Variants in LAMB3 observed in about 807,000 individuals in gnomAD.
LAMB3 encodes laminin subunit beta-3.
Under a neutral mutation model 140.3 loss-of-function variants are expected in LAMB3, and 104 were observed. The ratio of observed to expected loss-of-function variants is 0.74; its 90% CI spans 0.63 to 0.87. The LOEUF is 0.87. Ranked by LOEUF, LAMB3 falls within the 40% of genes least tolerant of loss-of-function variation. The probability of loss-of-function intolerance (pLI) is 0.00; values close to 1 mark genes in which losing one functional copy is unlikely to be tolerated. For synonymous variants in LAMB3, 592 were observed against 602.9 expected (o/e 0.98, Z 0.26); for missense variants, 1,531 against 1,575.2 (o/e 0.97, Z 0.47).
rs1461717227 is a variant in LAMB3, at chr1:209,634,547, G to C, written c.464C>G (p.Ser155Cys). ...ACCCTGGCGGACCCGAGGGAAGGTG[G>C]AGGTGCAGTCGGCAGCCAGGTACTG... ...VYQYLAADCT[S>C]TFPRVRQGRP... is the part of the protein sequence containing the mutation. The change falls in exon 6 of 23, where the codon TCC (serine) becomes TGC (cysteine). Residue 155 changes from serine to cysteine, a missense_variant. By Grantham distance (112) the Ser-to-Cys change is moderately radical. Transcript: ENST00000356082. 6.2e-7 allele frequency: 1 copy of C among 1,614,024 alleles called. No individual in the cohort carries two copies. Among genetic ancestry groups the C allele is most frequent in the Non-Finnish European group, 8.5e-7 (1 of 1,180,036 alleles).
At chr1:209,645,866 T>A (rs941395976) in intron 3 of LAMB3, among the ~76,000 whole-genome samples, 13 of 152,064 alleles carry the variant, frequency 8.5e-5, no homozygotes, top group African/African-American at 3.1e-4. Context: ...CAGACAACTG[T>A]CAAACAAAGA....
chr1:209,617,720 C>A, intron 20 of LAMB3, 134 bp from the exon 21 acceptor site: 1 of 1,245,370 alleles, frequency 8.0e-7, no homozygotes, highest in East Asian at 2.5e-5. Flanking sequence ...CCACCTCTCA[C>A]CCCTCCTTCT....
chr1:209,650,492 C>T (rs1022853226), intron 2 of LAMB3, among the ~76,000 whole-genome samples: 1 of 152,224 alleles, frequency 6.6e-6, no homozygotes, highest in Non-Finnish European at 1.5e-5. Flanking sequence ...GACTGCTGAG[C>T]CATTGGCAGA....
chr1:209,632,734 A>G lies in LAMB3; in HGVS notation c.671T>C (p.Leu224Pro), dbSNP rs138986366. The stretch of plus-strand genomic sequence containing the variant: ...GTAGCCCCTTTGGGGCACAGGGGCC[A>G]GCCTGGTGAAATTGACTCTCAAGTT... ...ITNLRVNFTRLAPVPQRGYHP... is the reference protein window; with the variant it reads ...ITNLRVNFTRPAPVPQRGYHP... The change falls in exon 8 of 23, where the codon CTG (leucine) becomes CCG (proline). Residue 224 changes from leucine to proline, a missense_variant. Coordinates refer to ENST00000356082, the MANE Select transcript of LAMB3 (RefSeq NM_000228.3). 80 of 1,614,126 alleles carry G rather than the reference A, an allele frequency of 5.0e-5. No homozygotes were observed. Among genetic ancestry groups the G allele is most frequent in the South Asian group, 3.1e-4 (28 of 91,092 alleles).
chr1:209,639,478 G>A (rs558171247), intron 3 of LAMB3, among the ~76,000 whole-genome samples: 36 of 152,236 alleles, frequency 2.4e-4, no homozygotes, highest in Admixed American at 5.2e-4. Context: ...CCTGGCCTAC[G>A]CTTATCTCTT....
chr1:209,621,874 G>A (rs1353480854), intron 18 of LAMB3, among the ~76,000 whole-genome samples: 3 of 152,224 alleles, frequency 2.0e-5, no homozygotes, highest in Non-Finnish European at 4.4e-5. Flanking sequence ...TGACACAGTA[G>A]TCAACAAGAC....
chr1:209,644,598 TC>T (rs2076499227), intron 3 of LAMB3, among the ~76,000 whole-genome samples: 1 of 151,994 alleles, frequency 6.6e-6, no homozygotes, highest in Non-Finnish European at 1.5e-5. Flanking sequence ...CCTGTGCTGT[TC>T]TTTTTTTTTT....
Position 209,629,944 on chromosome 1 carries a change from A to G in LAMB3, c.944-19T>C. Reference sequence around the variant, plus strand: ...TCGCACCCTGGAAAAAGAGAGTCCCAGGGCTGACATCTGACCCACACCTTT... The same window carrying G: ...TCGCACCCTGGAAAAAGAGAGTCCCGGGGCTGACATCTGACCCACACCTTT... On this transcript the variant is annotated intron_variant, in intron 9 of 22. Coordinates refer to ENST00000356082, the MANE Select transcript of LAMB3 (RefSeq NM_000228.3). 5 of 1,612,518 alleles carry G rather than the reference A, an allele frequency of 3.1e-6. No individual in the cohort carries two copies. The highest frequency in any genetic ancestry group is 4.2e-6 in the Non-Finnish European group (5 of 1,178,972).
At chr1:209,643,167 A>G (rs2076486023) in intron 3 of LAMB3, among the ~76,000 whole-genome samples, 1 of 152,258 alleles carries the variant, frequency 6.6e-6, no homozygotes, top group Non-Finnish European at 1.5e-5. Flanking sequence ...ACATGAAGAC[A>G]AGCTGCTAAT....
chr1:209,619,356 T>C (rs1217306415), intron 18 of LAMB3, among the ~76,000 whole-genome samples: 1 of 152,220 alleles, frequency 6.6e-6, no homozygotes, highest in Non-Finnish European at 1.5e-5. Context: ...GCCTGGGTTT[T>C]GTCCACAGCT....
chr1:209,617,365 C>T (rs1297027848), intron 21 of LAMB3, 45 bp downstream of exon 21: 6 of 1,591,954 alleles, frequency 3.8e-6, no homozygotes, highest in Non-Finnish European at 5.2e-6. Flanking sequence ...CTCAGGACCC[C>T]CTCACTGGCC....
rs371231587 is a variant in LAMB3 at position 209,637,943 on chromosome 1, T to G, written c.337A>C (p.Arg113=). ...PVSLQLDLDR[R]FQLQEVMMEF... ...ATCATGACTTCTTGAAGCTGGAATCTCCTGTCCAGGTCCAGCTGCAGAGAG... is the reference window on the plus strand; with the variant it reads ...ATCATGACTTCTTGAAGCTGGAATCGCCTGTCCAGGTCCAGCTGCAGAGAG... The change falls in exon 5 of 23, where the codon AGA becomes CGA. Residue 113 remains arginine (R), a synonymous_variant. Transcript: ENST00000356082. The G allele has an allele frequency of 1.2e-6, 2 of 1,613,416 alleles. No homozygotes were observed. Among genetic ancestry groups the G allele is most frequent in the Non-Finnish European group, 1.7e-6 (2 of 1,179,758 alleles).
intron 12 of LAMB3, among the ~76,000 whole-genome samples, 184 bp from the exon 13 acceptor site, chr1:209,627,162 G>C (rs1666491712): frequency 6.6e-6 from 1 of 152,224 alleles, no homozygotes; most frequent in South Asian, 2.1e-4. Context: ...TCAAGGCCCA[G>C]CATAGGCCCT....
chr1:209,616,393 G>A (rs1237968226), intron 22 of LAMB3, 78 bp downstream of exon 22: 1 of 1,534,190 alleles, frequency 6.5e-7, no homozygotes, highest in African/African-American at 1.4e-5. Context: ...AATAAGAACG[G>A]GCTTCAGAAG....
chr1:209,649,374 T>C lies in LAMB3; in HGVS notation c.183+590A>G, dbSNP rs139074964. 1.6e-4 allele frequency among the ~76,000 whole-genome samples: 24 copies of C among 152,096 alleles called. 2 individuals carry two copies. The East Asian group carries it at 4.1e-3, about 26-fold the overall frequency. On this transcript the variant is annotated intron_variant, in intron 3 of 22. Transcript: ENST00000356082. ...AACAAAAAGAAAACCAAAGTTCCTA[T>C]AAAAAAAGACCCAGAGACAAATTAG...
chr1:209,619,745 C>T (rs943498340), intron 18 of LAMB3, among the ~76,000 whole-genome samples: 1 of 152,212 alleles, frequency 6.6e-6, no homozygotes, highest in Non-Finnish European at 1.5e-5. Flanking sequence ...ATCTGAACTC[C>T]TCTGGGGCCC....
intron 12 of LAMB3, 130 bp from the exon 13 acceptor site, chr1:209,627,108 G>A: frequency 2.6e-6 from 2 of 779,986 alleles, no homozygotes; most frequent in East Asian, 2.7e-5. Context: ...CAGAGCTGCT[G>A]TGCCCACAAA....
Position 209,622,513 on chromosome 1 carries a change from G to A in LAMB3, c.2701+23C>T, listed in dbSNP as rs1404224074. The A allele has an allele frequency of 1.9e-6, 3 of 1,613,092 alleles. No homozygotes were observed. In the South Asian group the frequency reaches 3.3e-5, roughly 18 times the overall value. On this transcript the variant is annotated intron_variant, in intron 18 of 22. Coordinates refer to ENST00000356082, the MANE Select transcript of LAMB3 (RefSeq NM_000228.3). ...CAGGCAGGACTGGAACAGCAGCCAA[G>A]GTGGGGTGGAGACTGGGCTCACCTG...
rs762387886 is a variant in LAMB3, at chr1:209,622,527, T to C, written c.2701+9A>G. The C allele has an allele frequency of 1.2e-6, 2 of 1,613,624 alleles. No individual in the cohort carries two copies. The highest frequency in any genetic ancestry group is 1.7e-6 in the Non-Finnish European group (2 of 1,179,982). On this transcript the variant is annotated intron_variant, in intron 18 of 22. Coordinates refer to ENST00000356082, the MANE Select transcript of LAMB3 (RefSeq NM_000228.3). Reference sequence around the variant, plus strand: ...ACAGCAGCCAAGGTGGGGTGGAGACTGGGCTCACCTGTTAGGAAGTCCCGG... The same window carrying C: ...ACAGCAGCCAAGGTGGGGTGGAGACCGGGCTCACCTGTTAGGAAGTCCCGG...
Sources: gnomAD v4.1 joint callset for allele counts (sites outside exome capture counted in the v4.1 genomes callset) on GRCh38, gnomAD v4.1.1 for gene constraint, MANE v1.5 for transcripts, NCBI Gene and HGNC (gene_info 2026-07-23, HGNC 2026-07-21) for gene names.